Variants in POLA1 observed in about 807,000 individuals in gnomAD.
POLA1 encodes the protein DNA polymerase alpha 1, catalytic subunit.
Under a neutral mutation model 124.0 loss-of-function variants are expected in POLA1, and 15 were observed. That is an observed-to-expected ratio of 0.12 (90% CI 0.08 to 0.19). The LOEUF (loss-of-function observed/expected upper bound fraction) is 0.19, where lower values mean the gene tolerates loss of function less well. Among genes scored for constraint, POLA1 ranks in the 10% least tolerant of loss-of-function variants. POLA1 has a pLI of 1.00. For synonymous variants in POLA1, 408 were observed against 389.4 expected (o/e 1.05, Z -0.56); for missense variants, 886 against 1,103.4 (o/e 0.80, Z 2.79).
intron 36 of POLA1, among the ~76,000 whole-genome samples, chrX:24,935,670 T>G (rs1315216001): frequency 8.9e-6 from 1 of 112,499 alleles, no homozygotes; most frequent in African/African-American, 3.2e-5. Flanking sequence ...CAGTCTCTTG[T>G]CATCTCTTTT....
At chrX:24,738,308 T>C (rs1444829981) in intron 19 of POLA1, among the ~76,000 whole-genome samples, 1 of 102,364 alleles carries the variant, frequency 9.8e-6, no homozygotes, top group Non-Finnish European at 2.0e-5. Context: ...AGACAGCCCA[T>C]ACATGTTACC....
intron 22 of POLA1, 38 bp downstream of exon 22, chrX:24,742,159 ACCCCCC>A: frequency 3.6e-6 from 3 of 831,437 alleles, no homozygotes; most frequent in Non-Finnish European, 4.8e-6. Flanking sequence ...TTTTCTCTTA[ACCCCCC>A]CCCCCCTTTT....
At position 24,759,035 on chromosome X, in the gene POLA1, C is replaced by T. The variant is rs79415472; in HGVS notation, c.2964+10043C>T. Reference sequence around the variant, plus strand: ...TTTAAGGAATCCAGGTGTGGGCACCCGCACCCCTCTCCTACACATACATTA... The same window carrying T: ...TTTAAGGAATCCAGGTGTGGGCACCTGCACCCCTCTCCTACACATACATTA... On this transcript the variant is annotated intron_variant, in intron 26 of 36. Coordinates refer to ENST00000379068, the MANE Select transcript of POLA1 (RefSeq NM_001330360.2). Among the ~76,000 whole-genome samples the T allele has an allele frequency of 1.4e-3, 160 of 111,459 alleles. 2 individuals are homozygous for T. In the East Asian group the frequency reaches 0.042, roughly 30 times the overall value.
At chrX:24,815,557 C>T (rs923633228) in intron 30 of POLA1, among the ~76,000 whole-genome samples, 6 of 111,355 alleles carry the variant, frequency 5.4e-5, no homozygotes, top group African/African-American at 2.0e-4. Context: ...CTTTTGGGGA[C>T]AAAAGTTATT....
At chrX:24,777,537 C>T (rs2045164995) in intron 26 of POLA1, among the ~76,000 whole-genome samples, 1 of 111,891 alleles carries the variant, frequency 8.9e-6, no homozygotes, top group Non-Finnish European at 1.9e-5. Context: ...TAAAAAAACA[C>T]ATAATGGAAA....
At chrX:24,786,681 AT>A (rs1205219554) in intron 26 of POLA1, among the ~76,000 whole-genome samples, 646 of 63,138 alleles carry the variant, frequency 0.01, 3 homozygotes, top group African/African-American at 0.021. Flanking sequence ...GGCTTGGCTA[AT>A]TTTTTTTTTT....
intron 36 of POLA1, among the ~76,000 whole-genome samples, chrX:24,933,796 T>C (rs902651517): frequency 3.5e-5 from 4 of 112,682 alleles, no homozygotes; most frequent in Non-Finnish European, 7.5e-5. Context: ...GCTTTTTCTC[T>C]GCTTTGCTTT....
intron 26 of POLA1, among the ~76,000 whole-genome samples, chrX:24,805,316 C>G (rs1402002577): frequency 9.0e-6 from 1 of 111,655 alleles, no homozygotes; most frequent in Non-Finnish European, 1.9e-5. Context: ...GTGAAGGGCT[C>G]TCACTGAGCT....
intron 19 of POLA1, among the ~76,000 whole-genome samples, chrX:24,738,342 A>AT (rs1271297168): frequency 9.0e-6 from 1 of 111,029 alleles, no homozygotes; most frequent in Non-Finnish European, 1.9e-5. Flanking sequence ...TCCTGAAGTG[A>AT]TAGCCCTTAG....
At chrX:24,703,418 T>C in intron 3 of POLA1, 71 bp downstream of exon 3, 1 of 734,281 alleles carries the variant, frequency 1.4e-6, no homozygotes, top group Non-Finnish European at 2.1e-6. Flanking sequence ...TTGTAGATTC[T>C]CACTCATGTG....
At chrX:24,857,217 T>TA (rs1277710603) in intron 34 of POLA1, among the ~76,000 whole-genome samples, 1 of 111,943 alleles carries the variant, frequency 8.9e-6, no homozygotes, top group Non-Finnish European at 1.9e-5. Flanking sequence ...GCACCCGTGT[T>TA]AAAAACCATT....
At chrX:24,867,398 C>G (rs1396885741) in intron 34 of POLA1, among the ~76,000 whole-genome samples, 2 of 111,414 alleles carry the variant, frequency 1.8e-5, no homozygotes, top group Admixed American at 9.5e-5. Flanking sequence ...CTCATTTGTA[C>G]TATGTTTTCT....
chrX:24,968,120 G>A (rs7055751), intron 36 of POLA1, among the ~76,000 whole-genome samples: 5,330 of 111,389 alleles, frequency 0.048, 318 homozygotes, highest in African/African-American at 0.17. Flanking sequence ...AATTTTCAGT[G>A]TACCATGGTG....
chrX:24,809,504 C>CT (rs951990365), intron 26 of POLA1, among the ~76,000 whole-genome samples: 7 of 110,683 alleles, frequency 6.3e-5, no homozygotes, highest in Non-Finnish European at 7.6e-5. Flanking sequence ...ATGTAGTGTG[C>CT]TTTTTTTTGC....
At chrX:24,788,769 T>C (rs2045425610) in intron 26 of POLA1, 1 of 1,202,710 alleles carries the variant, frequency 8.3e-7, no homozygotes, top group Non-Finnish European at 1.1e-6. Flanking sequence ...AAGAGGTCAA[T>C]GTCATCATCA....
intron 36 of POLA1, among the ~76,000 whole-genome samples, chrX:24,937,857 G>C (rs1190205268): frequency 1.8e-5 from 2 of 112,050 alleles, no homozygotes; most frequent in African/African-American, 3.2e-5. Flanking sequence ...CCGTCCTTTT[G>C]GTAAAACTTT....
chrX:24,940,662 C>G (rs1394075103), intron 36 of POLA1, among the ~76,000 whole-genome samples: 1 of 112,113 alleles, frequency 8.9e-6, no homozygotes, highest in Non-Finnish European at 1.9e-5. Context: ...GAAACAGCCA[C>G]TTAAAATGTA....
At chrX:24,856,591 G>A (rs1378632201) in intron 34 of POLA1, among the ~76,000 whole-genome samples, 1 of 111,962 alleles carries the variant, frequency 8.9e-6, no homozygotes, top group African/African-American at 3.2e-5. Context: ...CAGAATGGCA[G>A]TATTTTTTTC....
At chrX:24,744,234 G>A (rs1046415114) in intron 23 of POLA1, among the ~76,000 whole-genome samples, 21 of 112,435 alleles carry the variant, frequency 1.9e-4, no homozygotes, top group African/African-American at 6.5e-4. Flanking sequence ...ATAATGAAAT[G>A]GAGCAGTAGT....
Sources: gnomAD v4.1 joint callset for allele counts (sites outside exome capture counted in the v4.1 genomes callset) on GRCh38, gnomAD v4.1.1 for gene constraint, MANE v1.5 for transcripts, NCBI Gene and HGNC (gene_info 2026-07-23, HGNC 2026-07-21) for gene names.